RBM33: variants seen among roughly 807,000 people sequenced by gnomAD.
RBM33 encodes RNA binding motif protein 33, also known as RNA-binding protein 33.
RBM33 carries 28 observed loss-of-function variants against 132.6 expected under a neutral mutation model. The observed-to-expected ratio is 0.21, with a 90% CI of 0.16 to 0.29. RBM33 has a LOEUF of 0.29. Among genes scored for constraint, RBM33 ranks in the 10% least tolerant of loss-of-function variants. The pLI, the probability that RBM33 is intolerant of heterozygous loss-of-function variation, is 1.00. For missense variants in RBM33, 1,291 were observed against 1,518.5 expected, an observed-to-expected ratio of 0.85 and a Z score of 2.49; for synonymous variants, 634 against 593.0, an observed-to-expected ratio of 1.07 and a Z score of -1.01.
rs533685394 is a variant in RBM33, at chr7:155,769,886, G to A, written c.3375+3231G>A. Among the ~76,000 whole-genome samples the A allele has an allele frequency of 3.5e-4, 54 of 152,302 alleles. 1 individual carries two copies. The highest frequency in any genetic ancestry group is 7.1e-4 in the Non-Finnish European group (48 of 68,040). On this transcript the variant is annotated intron_variant, in intron 16 of 17. Coordinates refer to ENST00000401878, the MANE Select transcript of RBM33 (RefSeq NM_053043.3). ...TGGGCACATGATGGGAAGCCACAAC[G>A]GAAAAGCTAGTTAACTGGAGGCTCT...
chr7:155,766,720 A>G (rs1802233577), intron 16 of RBM33, 65 bp downstream of exon 16: 1 of 1,484,688 alleles, frequency 6.7e-7, no homozygotes, highest in East Asian at 2.4e-5. Context: ...TCATTTCTTG[A>G]TTTAAAACAC....
At chr7:155,706,501 A>G (rs1348889755) in intron 6 of RBM33, among the ~76,000 whole-genome samples, 3 of 152,190 alleles carry the variant, frequency 2.0e-5, no homozygotes, top group South Asian at 2.1e-4. Flanking sequence ...CTCGGGGGGA[A>G]AAAGGATGGG....
At chr7:155,679,456 G>C (rs1262792185) in intron 4 of RBM33, among the ~76,000 whole-genome samples, 9 of 151,858 alleles carry the variant, frequency 5.9e-5, no homozygotes, top group Admixed American at 5.9e-4. Context: ...CTGATACGAT[G>C]AATGTCTTTC....
chr7:155,745,674 T>C lies in RBM33; in HGVS notation c.2979+72T>C. On this transcript the variant is annotated intron_variant, in intron 14 of 17. Coordinates refer to ENST00000401878, the MANE Select transcript of RBM33 (RefSeq NM_053043.3). The surrounding 1 kb of genome is among the most constrained non-coding windows in gnomAD (Gnocchi z 4.1). ...ATAGAATGTCCTCATTTGCAGAGAA[T>C]GTTTTTGAAGAAAGAATTAAAAGTT... The C allele has an allele frequency of 7.3e-7, 1 of 1,366,036 alleles. No homozygotes were observed. 84.6% of individuals were successfully genotyped at this position (1,366,036 alleles called of 1,614,324 possible).
intron 5 of RBM33, among the ~76,000 whole-genome samples, chr7:155,698,441 G>A (rs900677051): frequency 6.6e-6 from 1 of 152,176 alleles, no homozygotes; most frequent in African/African-American, 2.4e-5. Context: ...ATGGTGAAGG[G>A]GGATGGATTT....
chr7:155,771,028 G>T (rs1802409799), intron 16 of RBM33, among the ~76,000 whole-genome samples: 2 of 152,310 alleles, frequency 1.3e-5, no homozygotes, highest in South Asian at 4.2e-4. Flanking sequence ...AAAATGAAAA[G>T]CCAATCAGGG....
intron 5 of RBM33, among the ~76,000 whole-genome samples, chr7:155,683,921 G>C (rs1443718504): frequency 6.6e-6 from 1 of 152,154 alleles, no homozygotes; most frequent in Non-Finnish European, 1.5e-5. Flanking sequence ...GGACTGTACT[G>C]CATTGTACAC....
intron 2 of RBM33, 148 bp downstream of exon 2, chr7:155,665,401 G>T: frequency 1.5e-6 from 1 of 664,718 alleles, no homozygotes. Context: ...CTAAAGTGAA[G>T]CTTCTCCATG....
At chr7:155,770,979 A>G (rs531407033) in intron 16 of RBM33, among the ~76,000 whole-genome samples, 7 of 152,236 alleles carry the variant, frequency 4.6e-5, no homozygotes, top group Non-Finnish European at 8.8e-5. Flanking sequence ...TTAGTAGCCC[A>G]GTGAGATTTC....
At chr7:155,755,956 T>TG (rs1158500446) in intron 14 of RBM33, among the ~76,000 whole-genome samples, 2 of 152,302 alleles carry the variant, frequency 1.3e-5, no homozygotes, top group South Asian at 2.1e-4. Context: ...TAATCATTTG[T>TG]GGGAAAAAAA....
intron 1 of RBM33, among the ~76,000 whole-genome samples, chr7:155,662,490 C>T (rs1297540957): frequency 6.6e-6 from 1 of 152,102 alleles, no homozygotes; most frequent in African/African-American, 2.4e-5. Context: ...TTGGAGCACT[C>T]TTGTTCTAAA....
At chr7:155,721,761 AT>A (rs139957006) in intron 9 of RBM33, among the ~76,000 whole-genome samples, 1,976 of 152,316 alleles carry the variant, frequency 0.013, 49 homozygotes, top group African/African-American at 0.045. Flanking sequence ...CTTTAAAATT[AT>A]TCTTAAAAAT....
Position 155,745,409 on chromosome 7 carries a change from A to C in RBM33, c.2786A>C (p.Lys929Thr). 1 of 1,613,786 alleles carries C rather than the reference A, an allele frequency of 6.2e-7. No homozygotes were observed. The highest frequency in any genetic ancestry group is 1.3e-5 in the African/African-American group (1 of 75,054). ...CAAAGTCAGACTCAGCCGCTGCATA[A>C]AGTGCTCCCGATCAAACCTGCAGAT... ...VPQSQTQPLH[K>T]VLPIKPADVE... The change falls in exon 14 of 18, where the codon AAA becomes ACA. Residue 929 changes from lysine to threonine, a missense_variant. Around this residue, in one of 7 missense-constraint regions of RBM33, gnomAD observed 841 missense variants for 912.0 expected, o/e 0.92. Coordinates refer to ENST00000401878, the MANE Select transcript of RBM33 (RefSeq NM_053043.3). The surrounding 1 kb of genome is among the most constrained non-coding windows in gnomAD (Gnocchi z 4.1).
At chr7:155,715,785 T>C (rs1046130868) in intron 8 of RBM33, among the ~76,000 whole-genome samples, 1 of 152,224 alleles carries the variant, frequency 6.6e-6, no homozygotes, top group Admixed American at 6.5e-5. Flanking sequence ...AAATGCACAG[T>C]TCCTCTTGAG....
At chr7:155,749,034 A>G (rs1010881418) in intron 14 of RBM33, among the ~76,000 whole-genome samples, 1 of 152,072 alleles carries the variant, frequency 6.6e-6, no homozygotes, top group African/African-American at 2.4e-5. Context: ...CAGTCATGTG[A>G]TGGGGTAAAA....
At chr7:155,735,058 A>G (rs10266989) in intron 9 of RBM33, among the ~76,000 whole-genome samples, 2,601 of 152,324 alleles carry the variant, frequency 0.017, 71 homozygotes, top group African/African-American at 0.058. Flanking sequence ...AAACATCGTA[A>G]GTTGGACCAT....
chr7:155,725,570 A>G (rs1299349214), intron 9 of RBM33, among the ~76,000 whole-genome samples: 3 of 152,166 alleles, frequency 2.0e-5, no homozygotes, highest in Non-Finnish European at 2.9e-5. Context: ...ATTAAGTACT[A>G]AAGTGAGGAA....
chr7:155,718,487 C>T (rs1264137442), intron 9 of RBM33, 44 bp downstream of exon 9: 1 of 1,500,372 alleles, frequency 6.7e-7, no homozygotes, highest in Non-Finnish European at 9.3e-7. Flanking sequence ...GATGAGCATA[C>T]ATTTACTAAG....
At chr7:155,738,692 C>G (rs905865419) in intron 11 of RBM33, 1 of 361,298 alleles carries the variant, frequency 2.8e-6, no homozygotes, top group African/African-American at 2.1e-5. Context: ...TTTGATAATA[C>G]ATTTGCTCAT....
Sources: allele counts gnomAD v4.1 joint callset (sites outside exome capture counted in the v4.1 genomes callset), GRCh38; gene constraint gnomAD v4.1.1; regional missense constraint gnomAD v4.1.1; non-coding constraint Gnocchi (gnomAD v3.1); transcripts MANE v1.5; gene names NCBI Gene and HGNC (gene_info 2026-07-23, HGNC 2026-07-21).